Variants in NAALADL2 observed in about 807,000 individuals in gnomAD.
NAALADL2 encodes the protein inactive N-acetylated-alpha-linked acidic dipeptidase-like protein 2.
NAALADL2 carries 76 observed loss-of-function variants against 87.2 expected under a neutral mutation model. The ratio of observed to expected loss-of-function variants is 0.87; its 90% CI spans 0.72 to 1.05. The LOEUF (loss-of-function observed/expected upper bound fraction) is 1.05, where lower values mean the gene tolerates loss of function less well. NAALADL2 is among the 50% of genes least tolerant of loss of function. The probability of loss-of-function intolerance (pLI) is 0.00; values close to 1 mark genes in which losing one functional copy is unlikely to be tolerated. For missense variants in NAALADL2, 1,089 were observed against 945.8 expected, an observed-to-expected ratio of 1.15 and a Z score of -1.99; for synonymous variants, 354 against 331.0, an observed-to-expected ratio of 1.07 and a Z score of -0.75.
At chr3:175,199,910 C>T (rs1380825045) in intron 2 of NAALADL2, among the ~76,000 whole-genome samples, 6 of 103,640 alleles carry the variant, frequency 5.8e-5, no homozygotes, top group African/African-American at 2.2e-4. Flanking sequence ...CCATCTGAAG[C>T]AAAGTTGGTA....
chr3:175,708,935 T>A (rs1298007039), intron 11 of NAALADL2, among the ~76,000 whole-genome samples: 1 of 152,014 alleles, frequency 6.6e-6, no homozygotes, highest in African/African-American at 2.4e-5. Context: ...GTACATTGTC[T>A]CCCCTAAACC....
At chr3:175,416,615 C>T (rs983347053) in intron 5 of NAALADL2, among the ~76,000 whole-genome samples, 1 of 152,152 alleles carries the variant, frequency 6.6e-6, no homozygotes, top group Non-Finnish European at 1.5e-5. Flanking sequence ...GAAGAAGTTA[C>T]ATTTACTACA....
chr3:174,817,610 A>G (rs1309835036), intron 3 of NAALADL2, among the ~76,000 whole-genome samples: 1 of 152,192 alleles, frequency 6.6e-6, no homozygotes, highest in Non-Finnish European at 1.5e-5. Context: ...CCTTAAAAAT[A>G]AATAATTTTT....
rs1337073372 is a variant in NAALADL2 at position 175,718,307 on chromosome 3, C to T, written c.1897-18999C>T. 4 of 1,521,168 alleles carry T rather than the reference C, an allele frequency of 2.6e-6. No homozygotes were observed. The East Asian group carries it at 1.0e-4, about 39-fold the overall frequency. 94.2% of individuals were successfully genotyped at this position (1,521,168 alleles called of 1,614,324 possible). A position where few individuals can be genotyped will look rare whatever the true frequency, so the allele number is the denominator to read the frequency against. ...ACATCGTTAGGCGCCGAAGCTCTTG[C>T]AGGACAACTTTGATGCTATATGAAT... On this transcript the variant is annotated intron_variant, in intron 11 of 13. Coordinates refer to ENST00000454872, the MANE Select transcript of NAALADL2 (RefSeq NM_207015.3).
intron 11 of NAALADL2, among the ~76,000 whole-genome samples, chr3:175,644,304 C>A (rs961148962): frequency 6.6e-6 from 1 of 151,920 alleles, no homozygotes; most frequent in African/African-American, 2.4e-5. Context: ...ATCTAGTTTG[C>A]CAATATCTTT....
intron 2 of NAALADL2, among the ~76,000 whole-genome samples, chr3:175,176,340 C>T (rs1261926085): frequency 6.6e-6 from 1 of 152,020 alleles, no homozygotes; most frequent in African/African-American, 2.4e-5. Context: ...ATAACCTTGA[C>T]TGATAGTTCT....
intron 3 of NAALADL2, among the ~76,000 whole-genome samples, chr3:175,248,671 G>A (rs1748453905): frequency 6.6e-6 from 1 of 151,874 alleles, no homozygotes; most frequent in Non-Finnish European, 1.5e-5. Context: ...ACTGTTTTTG[G>A]TGCTCAGAAC....
chr3:175,465,569 G>C (rs1049281522), intron 7 of NAALADL2, among the ~76,000 whole-genome samples: 4 of 149,776 alleles, frequency 2.7e-5, no homozygotes, highest in Admixed American at 6.8e-5. Context: ...CGCCTCTGAG[G>C]TTCAAGCAAT....
chr3:175,552,893 A>C (rs2149493813), intron 9 of NAALADL2, among the ~76,000 whole-genome samples: 1 of 152,240 alleles, frequency 6.6e-6, no homozygotes, highest in East Asian at 1.9e-4. Flanking sequence ...TTTAATTTTA[A>C]GTGATTATAT....
intron 4 of NAALADL2, among the ~76,000 whole-genome samples, chr3:175,257,948 T>G (rs552706829): frequency 3.3e-5 from 5 of 152,082 alleles, no homozygotes; most frequent in Non-Finnish European, 7.4e-5. Flanking sequence ...ATTATTATCT[T>G]CAGATTATAA....
At chr3:175,013,194 ATACAT>A (rs1560475639) in intron 1 of NAALADL2, among the ~76,000 whole-genome samples, 3 of 112,532 alleles carry the variant, frequency 2.7e-5, no homozygotes, top group African/African-American at 1.0e-4. Context: ...ATAAATATAT[ATACAT>A]AAATATATAA....
At chr3:174,757,871 C>T (rs1384972055) in intron 3 of NAALADL2, among the ~76,000 whole-genome samples, 1 of 152,040 alleles carries the variant, frequency 6.6e-6, no homozygotes, top group East Asian at 1.9e-4. Flanking sequence ...TTGTAAAATA[C>T]CTGGGACATA....
intron 3 of NAALADL2, among the ~76,000 whole-genome samples, chr3:174,746,343 G>C (rs1020003948): frequency 2.6e-5 from 4 of 152,028 alleles, no homozygotes; most frequent in African/African-American, 9.7e-5. Context: ...GCTACAAAGA[G>C]AATAAAATAC....
In NAALADL2 at chr3:175,697,404, C is replaced by CACACAG. The variant is rs917476497; in HGVS notation, c.1897-39897_1897-39896insGACACA. 4.6e-5 allele frequency among the ~76,000 whole-genome samples: 5 copies of CACACAG among 109,506 alleles called. 1 individual carries two copies. Among genetic ancestry groups the CACACAG allele is most frequent in the African/African-American group, 1.5e-4 (5 of 32,648 alleles). The allele number at this position is 109,506 out of a possible 152,430, so 71.8% of individuals were successfully genotyped here. A position where few individuals can be genotyped will look rare whatever the true frequency, so the allele number is the denominator to read the frequency against. The stretch of plus-strand genomic sequence containing the variant: ...CTAGTGCTAAAGCTGCACACAGACA[C>CACACAG]ACACACACACACACACACACACACA... On this transcript the variant is annotated intron_variant, in intron 11 of 13. Transcript: ENST00000454872.
intron 1 of NAALADL2, among the ~76,000 whole-genome samples, chr3:174,912,153 A>G (rs1733787053): frequency 6.6e-6 from 1 of 152,022 alleles, no homozygotes; most frequent in Admixed American, 6.6e-5. Context: ...CTCATTTTCC[A>G]TAAAAGAAAA....
intron 2 of NAALADL2, among the ~76,000 whole-genome samples, chr3:174,653,994 T>C (rs900334667): frequency 1.1e-4 from 16 of 152,000 alleles, no homozygotes; most frequent in Admixed American, 9.9e-4. Flanking sequence ...CTGCAACTTA[T>C]CTCAGGATTT....
chr3:175,516,692 G>A (rs1731890306), intron 9 of NAALADL2, among the ~76,000 whole-genome samples: 1 of 152,120 alleles, frequency 6.6e-6, no homozygotes, highest in Admixed American at 6.6e-5. Flanking sequence ...ACTATGGATG[G>A]CTCTAAATTG....
chr3:175,216,668 C>CTTTTTT lies in NAALADL2; in HGVS notation c.546-17250_546-17245dup, dbSNP rs3067029. Among the ~76,000 whole-genome samples, 114 of 87,266 alleles carry CTTTTTT rather than the reference C, an allele frequency of 1.3e-3. 2 individuals carry two copies. The highest frequency in any genetic ancestry group is 3.2e-3 in the East Asian group (10 of 3,138). The allele number at this position is 87,266 out of a possible 152,430, so 57.2% of individuals were successfully genotyped here. On this transcript the variant is annotated intron_variant, in intron 2 of 13. Coordinates refer to ENST00000454872, the MANE Select transcript of NAALADL2 (RefSeq NM_207015.3). ...AATTTTTTTTCTTTTTTTTTCTTTTCTTTTTTTTTTTTTTTTTTGAGAAGG... is the reference window on the plus strand; with the variant it reads ...AATTTTTTTTCTTTTTTTTTCTTTTCTTTTTTTTTTTTTTTTTTTTTTTTGAGAAGG...
At chr3:175,049,605 G>C (rs1471274674) in intron 1 of NAALADL2, among the ~76,000 whole-genome samples, 1 of 152,072 alleles carries the variant, frequency 6.6e-6, no homozygotes, top group Non-Finnish European at 1.5e-5. Context: ...AACCTCTAAG[G>C]GTTTTGTCCA....
Sources: gnomAD v4.1 joint callset for allele counts (sites outside exome capture counted in the v4.1 genomes callset) on GRCh38, gnomAD v4.1.1 for gene constraint, MANE v1.5 for transcripts, NCBI Gene and HGNC (gene_info 2026-07-23, HGNC 2026-07-21) for gene names.